The following MLLT3 variants were observed in gnomAD, a reference collection of about 807,000 sequenced individuals.
The protein encoded by MLLT3 is MLLT3 super elongation complex subunit, also known as protein AF-9.
Under a neutral mutation model 53.2 loss-of-function variants are expected in MLLT3, and 4 were observed. That is an observed-to-expected ratio of 0.08 (90% CI 0.04 to 0.17). The LOEUF is 0.17. MLLT3 is among the 10% of genes least tolerant of loss of function. The pLI is 1.00. For missense variants in MLLT3, 569 were observed against 684.0 expected (o/e 0.83, Z 1.87); for synonymous variants, 283 against 230.6 (o/e 1.23, Z -2.06).
intron 2 of MLLT3, among the ~76,000 whole-genome samples, chr9:20,582,640 G>C (rs1026784476): frequency 6.6e-6 from 1 of 152,096 alleles, no homozygotes; most frequent in African/African-American, 2.4e-5. Flanking sequence ...TGGCTGCGGA[G>C]GCCTCAGAAT....
At chr9:20,613,911 A>G (rs1820760086) in intron 2 of MLLT3, among the ~76,000 whole-genome samples, 1 of 152,232 alleles carries the variant, frequency 6.6e-6, no homozygotes, top group South Asian at 2.1e-4. Context: ...ACAAATTATT[A>G]GAAAAACCAT....
intron 10 of MLLT3, among the ~76,000 whole-genome samples, chr9:20,348,621 C>G (rs1820935880): frequency 6.6e-6 from 1 of 152,150 alleles, no homozygotes; most frequent in Non-Finnish European, 1.5e-5. Context: ...AGAAGAAAAC[C>G]TTACTTGCTT....
intron 2 of MLLT3, among the ~76,000 whole-genome samples, chr9:20,465,341 G>T (rs867308502): frequency 5.3e-5 from 8 of 152,064 alleles, no homozygotes; most frequent in Middle Eastern, 3.4e-3. Context: ...GAAATAGATG[G>T]GTGTTGTTCT....
At chr9:20,401,975 G>A (rs941605920) in intron 5 of MLLT3, among the ~76,000 whole-genome samples, 16 of 152,102 alleles carry the variant, frequency 1.1e-4, no homozygotes, top group East Asian at 1.9e-4. Context: ...AATAGTTGGC[G>A]TTGAAGAAGA....
chr9:20,616,263 C>G (rs1820831942), intron 2 of MLLT3, among the ~76,000 whole-genome samples: 1 of 151,980 alleles, frequency 6.6e-6, no homozygotes, highest in Non-Finnish European at 1.5e-5. Context: ...TCTCTTAAAC[C>G]AACATTTGAA....
chr9:20,579,573 T>A (rs905898325), intron 2 of MLLT3, among the ~76,000 whole-genome samples: 1 of 151,966 alleles, frequency 6.6e-6, no homozygotes, highest in African/African-American at 2.4e-5. Context: ...GACGCATGAA[T>A]AAAAAAATAT....
chr9:20,544,295 A>G (rs778730585), intron 2 of MLLT3, among the ~76,000 whole-genome samples: 64 of 152,238 alleles, frequency 4.2e-4, no homozygotes, highest in Non-Finnish European at 8.4e-4. Flanking sequence ...CAACGAAGCA[A>G]AAGTAGACTA....
intron 2 of MLLT3, among the ~76,000 whole-genome samples, chr9:20,532,159 A>G (rs964076191): frequency 3.3e-5 from 5 of 152,182 alleles, no homozygotes; most frequent in African/African-American, 9.7e-5. Context: ...TAATCTGTAA[A>G]GTGAAGATAT....
At position 20,346,192 on chromosome 9, in the gene MLLT3, C is replaced by T; in HGVS notation, c.*251G>A. ...TCAAGGCTATCCAGGCTAACTCTTC[C>T]CGGGGATTTCCTTGGAGAGAAGAGT... On this transcript the variant is annotated 3_prime_UTR_variant, in exon 11 of 11. Coordinates refer to ENST00000380338, the MANE Select transcript of MLLT3 (RefSeq NM_004529.4). The T allele has an allele frequency of 2.7e-6, 1 of 376,670 alleles. No homozygotes were observed. Among genetic ancestry groups the T allele is most frequent in the Non-Finnish European group, 4.8e-6 (1 of 209,052 alleles). 23.3% of individuals were successfully genotyped at this position (376,670 alleles called of 1,614,324 possible).
intron 2 of MLLT3, among the ~76,000 whole-genome samples, chr9:20,612,594 TCC>T (rs1820728860): frequency 6.6e-6 from 1 of 151,644 alleles, no homozygotes; most frequent in Non-Finnish European, 1.5e-5. Context: ...AGGAAGAACA[TCC>T]TACAAACAAG....
At chr9:20,479,400 C>T (rs1398011245) in intron 2 of MLLT3, among the ~76,000 whole-genome samples, 1 of 151,946 alleles carries the variant, frequency 6.6e-6, no homozygotes, top group Admixed American at 6.6e-5. Context: ...TAGAGCAACC[C>T]TTTTTTTTCT....
intron 2 of MLLT3, among the ~76,000 whole-genome samples, chr9:20,575,107 T>A (rs1412950705): frequency 6.6e-6 from 1 of 152,210 alleles, no homozygotes; most frequent in Non-Finnish European, 1.5e-5. Flanking sequence ...TACTTCTCTT[T>A]CCACCACATT....
Position 20,403,139 on chromosome 9 carries a change from C to A in MLLT3, c.1125+10582G>T, listed in dbSNP as rs540949003. On this transcript the variant is annotated intron_variant, in intron 5 of 10. Transcript: ENST00000380338. The stretch of plus-strand genomic sequence containing the variant: ...TTTTAAAAAAAAAAAAACAATGAGA[C>A]CCCTAGGATCTTGGGCAAGTTATTA... Among the ~76,000 whole-genome samples, 11 of 151,918 alleles carry A rather than the reference C, an allele frequency of 7.2e-5. 1 individual carries two copies. The highest frequency in any genetic ancestry group is 1.9e-4 in the African/African-American group (8 of 41,428).
rs764932860 is a variant in MLLT3 at position 20,363,527 on chromosome 9, T to C, written c.1280A>G (p.Asn427Ser). Reference sequence around the variant, plus strand: ...TACAGGCCTCTCCATTTCAGAGTCATTGTCGTTATCCTCCACTTCATCTGA... The same window carrying C: ...TACAGGCCTCTCCATTTCAGAGTCACTGTCGTTATCCTCCACTTCATCTGA... ...EESDEVEDND[N>S]DSEMERPVNR... is the part of the protein sequence containing the mutation. Residue 427 changes from asparagine to serine, a missense_variant, in exon 7 of 11, where the codon AAT (asparagine) becomes AGT (serine). Physicochemically the swap from Asn to Ser is conservative, Grantham distance 46. Around this residue, in one of 5 missense-constraint regions of MLLT3, gnomAD observed 437 missense variants for 376.5 expected, o/e 1.16. Coordinates refer to ENST00000380338, the MANE Select transcript of MLLT3 (RefSeq NM_004529.4). 2.5e-6 allele frequency: 4 copies of C among 1,614,164 alleles called. No individual in the cohort carries two copies. The South Asian group carries it at 3.3e-5, about 13-fold the overall frequency.
At chr9:20,447,769 T>C (rs1196253516) in intron 4 of MLLT3, among the ~76,000 whole-genome samples, 1 of 152,194 alleles carries the variant, frequency 6.6e-6, no homozygotes, top group Non-Finnish European at 1.5e-5. Flanking sequence ...ACTTGCAACT[T>C]AACCCAAAAG....
intron 2 of MLLT3, among the ~76,000 whole-genome samples, chr9:20,542,951 T>C (rs1234320877): frequency 1.3e-5 from 2 of 152,242 alleles, no homozygotes; most frequent in East Asian, 3.8e-4. Context: ...TGCACTTTCA[T>C]ATTATAATGG....
intron 2 of MLLT3, among the ~76,000 whole-genome samples, chr9:20,550,865 C>T (rs1204906618): frequency 6.6e-6 from 1 of 152,214 alleles, no homozygotes; most frequent in Non-Finnish European, 1.5e-5. Context: ...TCAAGCAATC[C>T]TCCCACCTCA....
chr9:20,565,980 A>T (rs1378913982), intron 2 of MLLT3, among the ~76,000 whole-genome samples: 36 of 104,278 alleles, frequency 3.5e-4, no homozygotes, highest in East Asian at 3.4e-3. Context: ...ATATATATAT[A>T]TATTTATTTA....
intron 9 of MLLT3, 76 bp downstream of exon 9, chr9:20,354,732 G>T: frequency 1.0e-6 from 1 of 952,612 alleles, no homozygotes; most frequent in African/African-American, 1.6e-5. Context: ...AACCAGCAAG[G>T]ATGATCAAGG....
Sources: gnomAD v4.1 joint callset for allele counts (sites outside exome capture counted in the v4.1 genomes callset) on GRCh38, gnomAD v4.1.1 for gene constraint, gnomAD v4.1.1 regional missense constraint, MANE v1.5 for transcripts, NCBI Gene and HGNC (gene_info 2026-07-23, HGNC 2026-07-21) for gene names.